The following CLSTN2 variants were observed in gnomAD, a reference collection of about 807,000 sequenced individuals.
CLSTN2 encodes calsyntenin-2.
In CLSTN2, 48 loss-of-function variants were observed where a neutral mutation model predicts 101.2. That is an observed-to-expected ratio of 0.47 (90% CI 0.38 to 0.60). The LOEUF (loss-of-function observed/expected upper bound fraction) is 0.60, where lower values mean the gene tolerates loss of function less well. CLSTN2 is among the 20% of genes least tolerant of loss of function. The pLI is 0.00. For missense variants in CLSTN2, 1,160 were observed against 1,238.2 expected (o/e 0.94, Z 0.95); for synonymous variants, 481 against 463.6 (o/e 1.04, Z -0.48).
chr3:139,989,915 T>A (rs1040502618), intron 1 of CLSTN2, among the ~76,000 whole-genome samples: 8 of 152,266 alleles, frequency 5.3e-5, no homozygotes, highest in Non-Finnish European at 1.2e-4. Context: ...ATTGTCACTT[T>A]ATGCACAAAT....
intron 1 of CLSTN2, among the ~76,000 whole-genome samples, chr3:139,979,032 A>G (rs73224969): frequency 0.028 from 4,223 of 152,282 alleles, 88 homozygotes; most frequent in Middle Eastern, 0.051. Flanking sequence ...AAATAGTTCT[A>G]TAATACCCAG....
intron 1 of CLSTN2, among the ~76,000 whole-genome samples, chr3:139,971,074 C>A (rs1935694123): frequency 6.6e-6 from 1 of 152,314 alleles, no homozygotes; most frequent in Middle Eastern, 3.4e-3. Context: ...CACTCATTTG[C>A]TCTTTACAGT....
At chr3:140,067,927 G>A (rs111543049) in intron 1 of CLSTN2, among the ~76,000 whole-genome samples, 1 of 152,206 alleles carries the variant, frequency 6.6e-6, no homozygotes, top group Non-Finnish European at 1.5e-5. Context: ...GCTGCCTCTT[G>A]TCAGAAGTGT....
chr3:140,379,719 T>C (rs2087958781), intron 2 of CLSTN2, among the ~76,000 whole-genome samples: 1 of 152,202 alleles, frequency 6.6e-6, no homozygotes, highest in African/African-American at 2.4e-5. Flanking sequence ...ATGTTTGCCA[T>C]ATCCGTAGGA....
chr3:140,163,194 C>T (rs1488585838), intron 1 of CLSTN2, among the ~76,000 whole-genome samples: 4 of 152,140 alleles, frequency 2.6e-5, no homozygotes, highest in Admixed American at 6.6e-5. Flanking sequence ...AATCAGTTGA[C>T]TTTAAGTAAA....
intron 2 of CLSTN2, among the ~76,000 whole-genome samples, chr3:140,380,701 A>C (rs1427999879): frequency 6.6e-6 from 1 of 152,122 alleles, no homozygotes; most frequent in South Asian, 2.1e-4. Flanking sequence ...CTCCTCACTC[A>C]TTCAGTAAGC....
chr3:139,999,459 G>T (rs1480836323), intron 1 of CLSTN2, among the ~76,000 whole-genome samples: 1 of 151,988 alleles, frequency 6.6e-6, no homozygotes, highest in Non-Finnish European at 1.5e-5. Context: ...TCCCATACCT[G>T]CCTGCCTCAT....
At chr3:140,558,535 C>T (rs1223370489) in intron 11 of CLSTN2, 105 bp from the exon 12 acceptor site, 13 of 819,932 alleles carry the variant, frequency 1.6e-5, no homozygotes, top group Middle Eastern at 3.6e-4. Context: ...TACGCAGTCA[C>T]GATGCCTTGT....
At chr3:139,952,862 T>C (rs1935317225) in intron 1 of CLSTN2, among the ~76,000 whole-genome samples, 1 of 152,046 alleles carries the variant, frequency 6.6e-6, no homozygotes. Context: ...GATGCAATGG[T>C]TTTGTGGGTA....
At chr3:140,188,515 T>C (rs2010513784) in intron 2 of CLSTN2, among the ~76,000 whole-genome samples, 1 of 152,238 alleles carries the variant, frequency 6.6e-6, no homozygotes, top group Admixed American at 6.5e-5. Context: ...CTTGGAGCAA[T>C]GCCATCCCAG....
chr3:139,985,235 T>C (rs1293606460), intron 1 of CLSTN2, among the ~76,000 whole-genome samples: 2 of 152,108 alleles, frequency 1.3e-5, no homozygotes, highest in Non-Finnish European at 2.9e-5. Flanking sequence ...TTGTCCTCTA[T>C]CTGAAATCTA....
chr3:140,047,548 AG>A (rs1159315235), intron 1 of CLSTN2, among the ~76,000 whole-genome samples: 2 of 152,232 alleles, frequency 1.3e-5, no homozygotes, highest in African/African-American at 2.4e-5. Flanking sequence ...TGCTTGTAAT[AG>A]AATTCCTGAA....
chr3:140,323,592 T>C (rs2087304761), intron 2 of CLSTN2, among the ~76,000 whole-genome samples: 1 of 152,174 alleles, frequency 6.6e-6, no homozygotes, highest in African/African-American at 2.4e-5. Flanking sequence ...GTTGCATAGC[T>C]CCTCTGATAT....
intron 5 of CLSTN2, among the ~76,000 whole-genome samples, chr3:140,426,552 G>A (rs1362702393): frequency 6.6e-6 from 1 of 152,186 alleles, no homozygotes; most frequent in Non-Finnish European, 1.5e-5. Flanking sequence ...ATTTGGAGAG[G>A]ACACAAACGT....
intron 1 of CLSTN2, among the ~76,000 whole-genome samples, chr3:140,035,041 C>T (rs953421321): frequency 1.1e-4 from 16 of 152,132 alleles, no homozygotes; most frequent in African/African-American, 3.6e-4. Flanking sequence ...TAGAAATTCC[C>T]GGGAACCTAC....
intron 1 of CLSTN2, among the ~76,000 whole-genome samples, chr3:140,082,624 A>T (rs2882428): frequency 0.38 from 57,557 of 151,884 alleles, 13,608 homozygotes; most frequent in African/African-American, 0.65. Flanking sequence ...TGCTTCCTAC[A>T]CCTTCTCATC....
chr3:140,524,720 C>CA (rs1049141021), intron 8 of CLSTN2, among the ~76,000 whole-genome samples: 3 of 152,122 alleles, frequency 2.0e-5, no homozygotes, highest in South Asian at 2.1e-4. Context: ...AATATAAATA[C>CA]AAAAAAATCA....
chr3:140,576,837 A>G lies in CLSTN2; in HGVS notation c.*10584A>G, dbSNP rs1329009495. 1 of 152,256 alleles carries G rather than the reference A, an allele frequency of 6.6e-6. No individual in the cohort carries two copies. Among genetic ancestry groups the G allele is most frequent in the Non-Finnish European group, 1.5e-5 (1 of 68,056 alleles). The allele number at this position is 152,256 out of a possible 1,614,324, so 9.4% of individuals were successfully genotyped here. ...CAAAGAATGAATCTTTTTAGTCTAGAAAATGTGTTTATTTGATAAATATAC... is the reference window on the plus strand; with the variant it reads ...CAAAGAATGAATCTTTTTAGTCTAGGAAATGTGTTTATTTGATAAATATAC... On this transcript the variant is annotated 3_prime_UTR_variant, in exon 17 of 17. Transcript: ENST00000458420.
At chr3:140,290,690 G>A (rs1429917777) in intron 2 of CLSTN2, among the ~76,000 whole-genome samples, 2 of 152,218 alleles carry the variant, frequency 1.3e-5, no homozygotes, top group Non-Finnish European at 2.9e-5. Context: ...TAGCTTTGGA[G>A]CATAGAATGG....
Sources: gnomAD v4.1 joint callset for allele counts (sites outside exome capture counted in the v4.1 genomes callset) on GRCh38, gnomAD v4.1.1 for gene constraint, MANE v1.5 for transcripts, NCBI Gene and HGNC (gene_info 2026-07-23, HGNC 2026-07-21) for gene names.